The following SIN3A variants were observed in gnomAD, a reference collection of about 807,000 sequenced individuals.
SIN3A encodes SIN3 transcription regulator family member A.
In SIN3A, 14 loss-of-function variants were observed where a neutral mutation model predicts 146.1. That is an observed-to-expected ratio of 0.10 (90% confidence interval 0.06 to 0.15). The LOEUF is 0.15. SIN3A is among the 10% of genes least tolerant of loss of function. SIN3A has a pLI of 1.00. For missense variants in SIN3A, 1,028 were observed against 1,576.0 expected, an observed-to-expected ratio of 0.65 and a Z score of 5.89; for synonymous variants, 572 against 572.0, an observed-to-expected ratio of 1.00 and a Z score of 0.00.
Position 75,398,991 on chromosome 15 carries a change from C to T in SIN3A, c.1854+1049G>A, listed in dbSNP as rs139505866. 9.2e-4 allele frequency among the ~76,000 whole-genome samples: 137 copies of T among 149,154 alleles called. 1 individual carries two copies. In the South Asian group the frequency reaches 0.013, roughly 14 times the overall value. On this transcript the variant is annotated intron_variant, in intron 12 of 20. Coordinates refer to ENST00000394947, the MANE Select transcript of SIN3A (RefSeq NM_001145358.2). ...CCAAAGCACATGTATATCTATGTAA[C>T]AAACCTGCACGTTCTGCACATGTAT...
chr15:75,453,592 C>G (rs1300865663), upstream of SIN3A: 1 of 152,428 alleles, frequency 6.6e-6, no homozygotes, highest in Non-Finnish European at 1.5e-5. Flanking sequence ...CCTAAGGGCC[C>G]CAGGCCAGGG....
Position 75,375,791 on chromosome 15 carries a change from G to A in SIN3A, c.3465C>T (p.Thr1155=), listed in dbSNP as rs1408383884. The A allele has an allele frequency of 6.2e-7, 1 of 1,614,124 alleles. No homozygotes were observed. Among genetic ancestry groups the A allele is most frequent in the South Asian group, 1.1e-5 (1 of 91,084 alleles). The change falls in exon 20 of 21, where the codon ACC becomes ACT. Residue 1155 remains threonine (T), a synonymous_variant. Transcript: ENST00000394947. The part of the protein sequence containing the change: ...KEGKEGNSKK[T]MENVDSLDKL... Reference sequence around the variant, plus strand: ...TATCCAGACTATCCACATTCTCCATGGTCTTCTTGCTGTTTCCTTCCTTCC... The same window carrying A: ...TATCCAGACTATCCACATTCTCCATAGTCTTCTTGCTGTTTCCTTCCTTCC...
At chr15:75,409,597 T>C (rs949081121) in intron 8 of SIN3A, among the ~76,000 whole-genome samples, 1 of 150,104 alleles carries the variant, frequency 6.7e-6, no homozygotes, top group Non-Finnish European at 1.5e-5. Flanking sequence ...TATGGTGGCA[T>C]GCGCCTGTAG....
chr15:75,454,206 T>G (rs1484753430), upstream of SIN3A, among the ~76,000 whole-genome samples: 1 of 151,738 alleles, frequency 6.6e-6, no homozygotes, highest in Non-Finnish European at 1.5e-5. Context: ...GGCCTCCCGA[T>G]AGGCGGAGCT....
intron 2 of SIN3A, among the ~76,000 whole-genome samples, chr15:75,425,726 AGAC>A: frequency 6.6e-6 from 1 of 152,232 alleles, no homozygotes. Context: ...TCACCACAGA[AGAC>A]AACAATCTGT....
At position 75,424,505 on chromosome 15, in the gene SIN3A, GCT is replaced by G. The variant is rs779235165; in HGVS notation, c.190-1684_190-1683del. Among the ~76,000 whole-genome samples, 14 of 152,072 alleles carry G rather than the reference GCT, an allele frequency of 9.2e-5. 1 individual carries two copies. The highest frequency in any genetic ancestry group is 3.9e-4 in the East Asian group (2 of 5,188). ...TACCTTTTTATTGAGACAGGGTCCC[GCT>G]CTCTCACCCAGGCTGGAGTGCAGTG... is the stretch of plus-strand genomic sequence containing the variant. On this transcript the variant is annotated intron_variant, in intron 2 of 20. Coordinates refer to ENST00000394947, the MANE Select transcript of SIN3A (RefSeq NM_001145358.2).
At chr15:75,449,325 T>G (rs569360353) in intron 1 of SIN3A, among the ~76,000 whole-genome samples, 3 of 152,330 alleles carry the variant, frequency 2.0e-5, no homozygotes, top group Non-Finnish European at 4.4e-5. Flanking sequence ...AGGGTACCAC[T>G]CAGGCCCTAC....
At chr15:75,443,026 C>T (rs1463132565) in intron 1 of SIN3A, among the ~76,000 whole-genome samples, 1 of 151,986 alleles carries the variant, frequency 6.6e-6, no homozygotes, top group Non-Finnish European at 1.5e-5. Context: ...CTATGTTGCC[C>T]AGCCTGGTTT....
chr15:75,388,659 C>G (rs4368141), intron 16 of SIN3A: 50,027 of 152,248 alleles, frequency 0.33, 9,106 homozygotes, highest in Middle Eastern at 0.48. Flanking sequence ...CTGACAGGAC[C>G]AATAATGCCC....
chr15:75,455,223 C>A (rs944718918), upstream of SIN3A, among the ~76,000 whole-genome samples: 1 of 152,084 alleles, frequency 6.6e-6, no homozygotes, highest in Non-Finnish European at 1.5e-5. Flanking sequence ...CCAGGGAAGC[C>A]GCGGGCCCCG....
intron 2 of SIN3A, among the ~76,000 whole-genome samples, chr15:75,423,468 G>A (rs1361934191): frequency 6.6e-6 from 1 of 152,014 alleles, no homozygotes; most frequent in African/African-American, 2.4e-5. Flanking sequence ...CACGAGGTCA[G>A]GAGATCGAGA....
chr15:75,400,066 A>G lies in SIN3A; in HGVS notation c.1828T>C (p.Tyr610His). 1 of 1,605,798 alleles carries G rather than the reference A, an allele frequency of 6.2e-7. No individual in the cohort carries two copies. The highest frequency in any genetic ancestry group is 8.5e-7 in the Non-Finnish European group (1 of 1,172,478). Residue 610 changes from tyrosine (Y) to histidine (H), a missense_variant, in exon 12 of 21, where the codon TAT becomes CAT. Coordinates refer to ENST00000394947, the MANE Select transcript of SIN3A (RefSeq NM_001145358.2). ...TCAAAGCGTTCATCTTCACAACGAT[A>G]AATATGTTCTTCATATTGAGTCTTC... is the stretch of plus-strand genomic sequence containing the variant. ...SKKTQYEEHI[Y>H]RCEDERFELD...
chr15:75,405,245 AATCCTAG>A (rs1467456422), intron 9 of SIN3A, among the ~76,000 whole-genome samples: 1 of 151,290 alleles, frequency 6.6e-6, no homozygotes, highest in African/African-American at 2.4e-5. Context: ...CGGGGCCTGT[AATCCTAG>A]CTACTCAGGA....
At chr15:75,450,193 C>A (rs868542109) in intron 1 of SIN3A, among the ~76,000 whole-genome samples, 133 of 149,596 alleles carry the variant, frequency 8.9e-4, no homozygotes, top group African/African-American at 3.0e-3. Context: ...AAAAAAAAAA[C>A]AAACCCTACT....
intron 8 of SIN3A, 82 bp downstream of exon 8, chr15:75,409,754 A>G: frequency 6.8e-7 from 1 of 1,467,788 alleles, no homozygotes; most frequent in Non-Finnish European, 9.3e-7. Context: ...CAACAACAAC[A>G]AAACACATGA....
chr15:75,432,773 T>C (rs1030256118), intron 1 of SIN3A, among the ~76,000 whole-genome samples: 1 of 151,192 alleles, frequency 6.6e-6, no homozygotes, highest in African/African-American at 2.4e-5. Context: ...CTGGTCACAG[T>C]GGCTCACACC....
intron 1 of SIN3A, among the ~76,000 whole-genome samples, chr15:75,431,531 C>A (rs1391809870): frequency 6.6e-6 from 1 of 152,042 alleles, no homozygotes; most frequent in Non-Finnish European, 1.5e-5. Context: ...GGCCCCACCA[C>A]TTTTCCAGTC....
At chr15:75,393,399 CA>C (rs2073245832) in intron 14 of SIN3A, among the ~76,000 whole-genome samples, 1 of 151,858 alleles carries the variant, frequency 6.6e-6, no homozygotes, top group Admixed American at 6.6e-5. Flanking sequence ...TTTTTTTTGG[CA>C]GGGTCTTGCT....
intron 9 of SIN3A, among the ~76,000 whole-genome samples, chr15:75,402,611 T>G (rs1595901314): frequency 6.6e-6 from 1 of 152,242 alleles, no homozygotes; most frequent in East Asian, 1.9e-4. Context: ...GTGATAATGA[T>G]TATGTTTGCA....
Sources: gnomAD v4.1 joint callset for allele counts (sites outside exome capture counted in the v4.1 genomes callset) on GRCh38, gnomAD v4.1.1 for gene constraint, MANE v1.5 for transcripts, NCBI Gene and HGNC (gene_info 2026-07-23, HGNC 2026-07-21) for gene names.